The following GRIP1 variants were observed in gnomAD, a reference collection of about 807,000 sequenced individuals.
GRIP1 encodes glutamate receptor-interacting protein 1.
In GRIP1, 45 loss-of-function variants were observed where a neutral mutation model predicts 129.9. That is an observed-to-expected ratio of 0.35 (90% CI 0.27 to 0.44). The LOEUF is 0.44. GRIP1 is among the 20% of genes least tolerant of loss of function. The pLI is 1.00. For missense variants in GRIP1, 1,196 were observed against 1,396.8 expected, an observed-to-expected ratio of 0.86 and a Z score of 2.29; for synonymous variants, 530 against 520.8, an observed-to-expected ratio of 1.02 and a Z score of -0.24.
At chr12:66,372,077 AACTAT>A in intron 22 of GRIP1, 150 bp from the exon 23 acceptor site, 1 of 678,904 alleles carries the variant, frequency 1.5e-6, no homozygotes, top group Non-Finnish European at 2.7e-6. Context: ...GTACTAATTG[AACTAT>A]GAAAGTCTGG....
intron 1 of GRIP1, among the ~76,000 whole-genome samples, chr12:66,694,044 T>C (rs1372266202): frequency 6.6e-6 from 1 of 152,178 alleles, no homozygotes; most frequent in Non-Finnish European, 1.5e-5. Context: ...CAGACGGTAC[T>C]ATTATGAGCA....
chr12:66,859,275 AC>A (rs1566054561), intron 1 of GRIP1, among the ~76,000 whole-genome samples: 530 of 20,916 alleles, frequency 0.025, 22 homozygotes, highest in Non-Finnish European at 0.032. Context: ...AAACAAAAAA[AC>A]AAAAAAACAA....
chr12:66,814,637 T>G (rs142994932), intron 1 of GRIP1, among the ~76,000 whole-genome samples: 170 of 150,416 alleles, frequency 1.1e-3, no homozygotes, highest in African/African-American at 3.8e-3. Context: ...AAGCTTACAT[T>G]CTGGGGGGAG....
At chr12:66,447,866 G>T (rs1264973824) in intron 11 of GRIP1, among the ~76,000 whole-genome samples, 1 of 152,168 alleles carries the variant, frequency 6.6e-6, no homozygotes, top group Non-Finnish European at 1.5e-5. Flanking sequence ...TAAAATCAGT[G>T]GCCTCATCTG....
rs1592727485 is a variant in GRIP1 at position 66,379,423 on chromosome 12, C to A, written c.2478G>T (p.Gln826His). Reference sequence around the variant, plus strand: ...AGGTGTTGAAATTGTATCCTGAGGCCTGAAAACTAGTGCCTAAAATATAAA... The same window carrying A: ...AGGTGTTGAAATTGTATCCTGAGGCATGAAAACTAGTGCCTAAAATATAAA... Reference protein sequence around the residue: ...TSYGTQGTSFQASGYNFNTYD... With the variant: ...TSYGTQGTSFHASGYNFNTYD... Residue 826 changes from glutamine (Q) to histidine (H), a missense_variant, in exon 20 of 25, where the codon CAG (glutamine) becomes CAT (histidine). By Grantham distance (24) the Gln-to-His change is conservative. Coordinates refer to ENST00000359742, the MANE Select transcript of GRIP1 (RefSeq NM_001366722.1). The A allele has an allele frequency of 6.2e-7, 1 of 1,614,120 alleles. No individual in the cohort carries two copies. The highest frequency in any genetic ancestry group is 8.5e-7 in the Non-Finnish European group (1 of 1,179,956).
At chr12:67,019,863 G>A (rs905692) in intron 1 of GRIP1, among the ~76,000 whole-genome samples, 2,148 of 151,922 alleles carry the variant, frequency 0.014, 67 homozygotes, top group East Asian at 0.093. Flanking sequence ...GTAAAAACCC[G>A]AAATAAGAGA....
chr12:66,860,709 A>G (rs1214082656), intron 1 of GRIP1, among the ~76,000 whole-genome samples: 1 of 152,004 alleles, frequency 6.6e-6, no homozygotes, highest in Non-Finnish European at 1.5e-5. Context: ...AATGCATCTC[A>G]AACTTTAATG....
intron 22 of GRIP1, among the ~76,000 whole-genome samples, chr12:66,374,190 T>C (rs910883706): frequency 3.9e-5 from 6 of 152,134 alleles, no homozygotes; most frequent in African/African-American, 1.2e-4. Context: ...TTCTATGTTT[T>C]TTATTTTATT....
chr12:66,566,811 C>G (rs2062777735), intron 2 of GRIP1, among the ~76,000 whole-genome samples: 1 of 152,042 alleles, frequency 6.6e-6, no homozygotes, highest in African/African-American at 2.4e-5. Flanking sequence ...AATTTCAGAG[C>G]CTGTTATTGG....
intron 5 of GRIP1, among the ~76,000 whole-genome samples, chr12:66,523,038 C>G (rs2061078254): frequency 2.0e-5 from 3 of 151,924 alleles, no homozygotes; most frequent in Admixed American, 1.3e-4. Flanking sequence ...GTGAAAAGAC[C>G]AAATCTACGT....
chr12:66,404,554 C>T (rs2057121686), intron 16 of GRIP1, among the ~76,000 whole-genome samples: 1 of 152,138 alleles, frequency 6.6e-6, no homozygotes, highest in African/African-American at 2.4e-5. Context: ...CCTGCTCCTG[C>T]TTGAGTTGTA....
chr12:67,008,242 A>C (rs2042656077), intron 1 of GRIP1, among the ~76,000 whole-genome samples: 1 of 152,214 alleles, frequency 6.6e-6, no homozygotes. Flanking sequence ...GTTCATGCTC[A>C]AAGTACAGTT....
chr12:66,846,543 A>G (rs2039818941), intron 1 of GRIP1, among the ~76,000 whole-genome samples: 1 of 152,206 alleles, frequency 6.6e-6, no homozygotes, highest in Non-Finnish European at 1.5e-5. Flanking sequence ...GGTATGGCAA[A>G]GCCAAAAGAT....
At position 66,353,472 on chromosome 12, in the gene GRIP1, C is replaced by T. The variant is rs761527970; in HGVS notation, c.3104G>A (p.Arg1035His). 19 of 1,612,848 alleles carry T rather than the reference C, an allele frequency of 1.2e-5. No individual in the cohort carries two copies. The highest frequency in any genetic ancestry group is 6.6e-5 in the South Asian group (6 of 91,060). ...LEKGVYVKNI[R>H]PAGPGDLGGL... ...ACCAAGATCTCCTGGCCCAGCTGGG[C>T]GAATATTTTTGACATACACTCCTTT... Residue 1035 changes from arginine (R) to histidine (H), a missense_variant, in exon 24 of 25, where the codon CGC (arginine) becomes CAC (histidine). Physicochemically the swap from Arg to His is conservative, Grantham distance 29. Around this residue, in one of 5 missense-constraint regions of GRIP1, gnomAD observed 427 missense variants for 463.3 expected, o/e 0.92. Transcript: ENST00000359742.
chr12:66,837,484 C>T (rs578005361), intron 1 of GRIP1, among the ~76,000 whole-genome samples: 3 of 152,252 alleles, frequency 2.0e-5, no homozygotes, highest in Admixed American at 2.0e-4. Flanking sequence ...CCAATGCCCA[C>T]AGGCCTACTG....
At chr12:66,498,765 C>T (rs1282621547) in intron 7 of GRIP1, among the ~76,000 whole-genome samples, 1 of 152,076 alleles carries the variant, frequency 6.6e-6, no homozygotes, top group African/African-American at 2.4e-5. Flanking sequence ...TTTCCTACGT[C>T]ATGAAGAATA....
At position 67,064,858 on chromosome 12, in the gene GRIP1, C is replaced by T. The variant is rs564967148; in HGVS notation, c.58+4192G>A. Among the ~76,000 whole-genome samples, 729 of 151,182 alleles carry T rather than the reference C, an allele frequency of 4.8e-3. 5 individuals are homozygous for T. Among genetic ancestry groups the T allele is most frequent in the African/African-American group, 0.017 (691 of 41,236 alleles). ...TGCTGGTGCGCTGCACCCACTAACTCGTCATCTAGCATTAGGTATATCTCC... is the reference window on the plus strand; with the variant it reads ...TGCTGGTGCGCTGCACCCACTAACTTGTCATCTAGCATTAGGTATATCTCC... On this transcript the variant is annotated intron_variant, in intron 1 of 1. Transcript: ENST00000643019.
chr12:66,934,472 G>A (rs890720065), intron 1 of GRIP1, among the ~76,000 whole-genome samples: 1 of 152,132 alleles, frequency 6.6e-6, no homozygotes, highest in African/African-American at 2.4e-5. Context: ...TCATTTAGCT[G>A]CAGATCTGAA....
chr12:66,445,410 T>A lies in GRIP1; in HGVS notation c.1453A>T (p.Ile485Phe), dbSNP rs2058593708. The change falls in exon 12 of 25, where the codon ATC becomes TTC. Residue 485 changes from isoleucine (I) to phenylalanine (F), a missense_variant. Ile to Phe is a conservative substitution (Grantham distance 21). Around this residue, in one of 5 missense-constraint regions of GRIP1, gnomAD observed 508 missense variants for 587.0 expected, o/e 0.87. Transcript: ENST00000359742. ...GCAAACACACTGCCCTGCAGTTGGA[T>A]CCCAAATCCTGTGACAGGATCTGCC... ...LTADPVTGFG[I>F]QLQGSVFATE... 1 of 1,614,018 alleles carries A rather than the reference T, an allele frequency of 6.2e-7. No individual in the cohort carries two copies. The highest frequency in any genetic ancestry group is 8.5e-7 in the Non-Finnish European group (1 of 1,179,960).
Sources: gnomAD v4.1 joint callset for allele counts (sites outside exome capture counted in the v4.1 genomes callset) on GRCh38, gnomAD v4.1.1 for gene constraint, gnomAD v4.1.1 regional missense constraint, MANE v1.5 for transcripts, NCBI Gene and HGNC (gene_info 2026-07-23, HGNC 2026-07-21) for gene names.